Variants in NSD2 observed in about 807,000 individuals in gnomAD.
NSD2 encodes histone-lysine N-methyltransferase NSD2.
NSD2 carries 12 observed loss-of-function variants against 139.0 expected under a neutral mutation model. The observed-to-expected ratio is 0.09, with a 90% CI of 0.06 to 0.14. The LOEUF is 0.14. Ranked by LOEUF, NSD2 falls within the 10% of genes least tolerant of loss-of-function variation. The pLI is 1.00. For synonymous variants in NSD2, 669 were observed against 648.7 expected, an observed-to-expected ratio of 1.03 and a Z score of -0.48; for missense variants, 1,155 against 1,745.0, an observed-to-expected ratio of 0.66 and a Z score of 6.02.
intron 3 of NSD2, among the ~76,000 whole-genome samples, chr4:1,908,442 C>A (rs967661188): frequency 6.6e-6 from 1 of 152,212 alleles, no homozygotes; most frequent in South Asian, 2.1e-4. Context: ...TGATAATATA[C>A]TTTTTTGTGT....
intron 11 of NSD2, chr4:1,952,790 A>AT (rs1724413988): frequency 2.6e-6 from 3 of 1,142,832 alleles, no homozygotes; most frequent in South Asian, 6.1e-5. Context: ...GAGGATGATG[A>AT]GAGGACACCT....
chr4:1,891,862 AAAAAAAAAAC>A (rs959348146), intron 1 of NSD2, among the ~76,000 whole-genome samples: 14 of 151,160 alleles, frequency 9.3e-5, no homozygotes, highest in African/African-American at 1.9e-4. Flanking sequence ...ATCTCAAAAA[AAAAAAAAAAC>A]AAAAAAAAAC....
At chr4:1,912,536 T>G (rs550294702) in intron 3 of NSD2, among the ~76,000 whole-genome samples, 1 of 152,296 alleles carries the variant, frequency 6.6e-6, no homozygotes, top group East Asian at 1.9e-4. Flanking sequence ...TTAATTTTTT[T>G]CAAGTATTCA....
chr4:1,945,579 TGTGA>T (rs1354770519), intron 9 of NSD2: 1 of 1,065,208 alleles, frequency 9.4e-7, no homozygotes, highest in African/African-American at 1.6e-5. Context: ...AGAAGCCTGA[TGTGA>T]GTGTGTGGCA....
At chr4:1,943,221 G>A in intron 9 of NSD2, 1 of 1,041,720 alleles carries the variant, frequency 9.6e-7, no homozygotes, top group Non-Finnish European at 1.2e-6. Flanking sequence ...AAAAGCAGAA[G>A]GTGTGCTATT....
chr4:1,937,724 C>T (rs1368169014), intron 7 of NSD2, among the ~76,000 whole-genome samples: 1 of 152,162 alleles, frequency 6.6e-6, no homozygotes, highest in Non-Finnish European at 1.5e-5. Flanking sequence ...GCTCTGGTTC[C>T]AGGCAGGTGG....
chr4:1,968,866 G>GA (rs1369733609), intron 18 of NSD2, among the ~76,000 whole-genome samples: 2 of 152,148 alleles, frequency 1.3e-5, no homozygotes, highest in Non-Finnish European at 2.9e-5. Flanking sequence ...AGTGTTCAAA[G>GA]AAAAAACTAA....
At chr4:1,900,605 T>A (rs762310321) in intron 1 of NSD2, 21 bp from the exon 2 acceptor site, 6 of 1,458,966 alleles carry the variant, frequency 4.1e-6, no homozygotes, top group Non-Finnish European at 5.5e-6. Context: ...TCTTTCTTTT[T>A]TCTTTTTTTT....
chr4:1,886,287 A>G (rs1186855579), intron 1 of NSD2, among the ~76,000 whole-genome samples: 1 of 151,918 alleles, frequency 6.6e-6, no homozygotes, highest in East Asian at 1.9e-4. Flanking sequence ...GTTCACTGCA[A>G]CCTCCATCTC....
intron 3 of NSD2, among the ~76,000 whole-genome samples, chr4:1,914,886 A>G (rs536172481): frequency 1.3e-5 from 2 of 151,938 alleles, no homozygotes; most frequent in African/African-American, 2.4e-5. Context: ...CCTGCTGTGG[A>G]TGTTGCAGTG....
At chr4:1,960,896 A>T (rs189259380) in intron 17 of NSD2, 139 bp from the exon 18 acceptor site, 10 of 598,798 alleles carry the variant, frequency 1.7e-5, no homozygotes, top group East Asian at 1.5e-4. Flanking sequence ...ATTTATGGAG[A>T]CTTTGTACAC....
chr4:1,939,871 G>A, intron 9 of NSD2, 93 bp downstream of exon 9: 3 of 1,598,804 alleles, frequency 1.9e-6, no homozygotes, highest in Admixed American at 3.4e-5. Flanking sequence ...GACTTCATAA[G>A]CGCAGCATTG....
intron 1 of NSD2, among the ~76,000 whole-genome samples, chr4:1,873,414 C>T (rs1714015194): frequency 6.6e-6 from 1 of 152,190 alleles, no homozygotes; most frequent in Non-Finnish European, 1.5e-5. Context: ...GAGCCATGCA[C>T]AACAAAATTA....
chr4:1,971,998 G>A (rs188365311), intron 18 of NSD2, among the ~76,000 whole-genome samples: 7 of 152,274 alleles, frequency 4.6e-5, no homozygotes, highest in African/African-American at 1.7e-4. Flanking sequence ...CGCTCACGCC[G>A]CTCCTGTACC....
chr4:1,905,586 G>C (rs2108761355), intron 3 of NSD2, among the ~76,000 whole-genome samples: 1 of 152,376 alleles, frequency 6.6e-6, no homozygotes, highest in East Asian at 1.9e-4. Context: ...CTGGCTGTGG[G>C]AGCAGGTGGC....
chr4:1,901,365 G>C, intron 2 of NSD2, 114 bp downstream of exon 2: 1 of 948,368 alleles, frequency 1.1e-6, no homozygotes, highest in South Asian at 1.7e-5. Flanking sequence ...GGACAGGCCT[G>C]GTACTTCCAG....
At chr4:1,975,099 G>A in intron 19 of NSD2, 95 bp downstream of exon 19, 1 of 1,576,008 alleles carries the variant, frequency 6.3e-7, no homozygotes, top group South Asian at 1.1e-5. Context: ...AAAGGCTCTG[G>A]GGGAGGTGGG....
intron 18 of NSD2, among the ~76,000 whole-genome samples, chr4:1,971,478 AAAG>A (rs577386741): frequency 2.0e-5 from 3 of 152,174 alleles, no homozygotes; most frequent in South Asian, 2.1e-4. Flanking sequence ...GCACTGTCGA[AAAG>A]AAGGACAGAA....
Position 1,981,974 on chromosome 4 carries a change from C to T in NSD2, c.*3065C>T. On this transcript the variant is annotated 3_prime_UTR_variant, in exon 22 of 22. Transcript: ENST00000508803. The stretch of plus-strand genomic sequence containing the variant: ...TTAAATGTGCCTATTGGTGTCTAAA[C>T]TTCATACAATGTAAGGTCAGATTCC... 1 of 398,568 alleles carries T rather than the reference C, an allele frequency of 2.5e-6. No homozygotes were observed. The highest frequency in any genetic ancestry group is 3.6e-5 in the East Asian group (1 of 28,084). The allele number at this position is 398,568 out of a possible 1,614,324, so 24.7% of individuals were successfully genotyped here.
Sources: allele counts gnomAD v4.1 joint callset (sites outside exome capture counted in the v4.1 genomes callset), GRCh38; gene constraint gnomAD v4.1.1; transcripts MANE v1.5; gene names NCBI Gene and HGNC (gene_info 2026-07-23, HGNC 2026-07-21).